Variants in MYH11 observed in about 807,000 individuals in gnomAD.
The protein encoded by MYH11 is myosin-11.
In MYH11, 80 loss-of-function variants were observed where a neutral mutation model predicts 246.6. That is an observed-to-expected ratio of 0.32 (90% CI 0.27 to 0.39). The LOEUF is 0.39. MYH11 is among the 10% of genes least tolerant of loss of function. The pLI is 1.00. For synonymous variants in MYH11, 1,071 were observed against 1,015.5 expected (o/e 1.05, Z -1.04); for missense variants, 2,158 against 2,546.8 (o/e 0.85, Z 3.29).
rs1175377341 is a variant in MYH11 at position 15,750,043 on chromosome 16, G to A, written c.2058+95C>T. The A allele has an allele frequency of 2.0e-6, 3 of 1,475,142 alleles. No individual in the cohort carries two copies. The highest frequency in any genetic ancestry group is 2.8e-6 in the Non-Finnish European group (3 of 1,066,386). The allele number at this position is 1,475,142 out of a possible 1,614,324, so 91.4% of individuals were successfully genotyped here. ...CCCCACATGGAAAATGGGGTCCTCGGGGTAGGTGGGGGCAGAGGGCGCCCT... is the reference window on the plus strand; with the variant it reads ...CCCCACATGGAAAATGGGGTCCTCGAGGTAGGTGGGGGCAGAGGGCGCCCT... On this transcript the variant is annotated intron_variant, in intron 16 of 40. Transcript: ENST00000300036. The surrounding 1 kb of genome is among the most constrained non-coding windows in gnomAD (Gnocchi z 4.3).
chr16:15,758,410 T>C (rs1279144854), intron 12 of MYH11, among the ~76,000 whole-genome samples: 1 of 152,064 alleles, frequency 6.6e-6, no homozygotes, highest in Non-Finnish European at 1.5e-5. Flanking sequence ...GTGCTCATGA[T>C]TGTAATCCCA....
chr16:15,836,695 C>T (rs1161140458), intron 2 of MYH11, among the ~76,000 whole-genome samples: 2 of 147,846 alleles, frequency 1.4e-5, no homozygotes, highest in African/African-American at 5.0e-5. Context: ...CCCACGCACC[C>T]AGCTAATAAA....
chr16:15,806,747 C>T (rs1208865174), intron 3 of MYH11, among the ~76,000 whole-genome samples: 1 of 116,234 alleles, frequency 8.6e-6, no homozygotes. Context: ...AATGCTTTTC[C>T]CCTGAACCAA....
In MYH11 at chr16:15,750,950, CTT is replaced by C. The variant is rs2041550157; in HGVS notation, c.1865-621_1865-620del. ...GGAGAGAGAGTGAAGAGGGTGCTCT[CTT>C]AGACAAGGAGGTGGTGGGCTCTGCT... On this transcript the variant is annotated intron_variant, in intron 15 of 40. Transcript: ENST00000300036. This position sits in a 1 kb window ranked among gnomAD's most constrained non-coding sequence, Gnocchi z 4.3. 6.6e-6 allele frequency among the ~76,000 whole-genome samples: 1 copy of C among 151,920 alleles called. No individual in the cohort carries two copies. The highest frequency in any genetic ancestry group is 1.5e-5 in the Non-Finnish European group (1 of 67,994).
chr16:15,803,229 C>T (rs1400491811), intron 3 of MYH11, among the ~76,000 whole-genome samples: 1 of 151,910 alleles, frequency 6.6e-6, no homozygotes, highest in African/African-American at 2.4e-5. Flanking sequence ...AGCTTCCACC[C>T]AGGGGGAGAA....
At position 15,759,445 on chromosome 16, in the gene MYH11, A is replaced by G. The variant is rs986037966; in HGVS notation, c.1401+131T>C. On this transcript the variant is annotated intron_variant, in intron 12 of 40. Coordinates refer to ENST00000300036, the MANE Select transcript of MYH11 (RefSeq NM_002474.3). Reference sequence around the variant, plus strand: ...CTGTCTCTTATACCCTCAATGATCCACCCTTAACTAGACAGCCTCCTACCC... The same window carrying G: ...CTGTCTCTTATACCCTCAATGATCCGCCCTTAACTAGACAGCCTCCTACCC... 22 of 1,186,442 alleles carry G rather than the reference A, an allele frequency of 1.9e-5. No homozygotes were observed. The Admixed American group carries it at 3.6e-4, about 19-fold the overall frequency. 73.5% of individuals were successfully genotyped at this position (1,186,442 alleles called of 1,614,324 possible).
chr16:15,745,965 G>A (rs931755699), intron 19 of MYH11, among the ~76,000 whole-genome samples: 3 of 152,082 alleles, frequency 2.0e-5, no homozygotes, highest in Non-Finnish European at 2.9e-5. Flanking sequence ...GGCCCAGGCT[G>A]GAGTGCAGTG....
In MYH11 at chr16:15,735,312, C is replaced by G. The variant is rs1364600902; in HGVS notation, c.3506+54G>C. On this transcript the variant is annotated intron_variant, in intron 26 of 40. Transcript: ENST00000300036. ...TTTGGGTTTGTCCCCTCTTCTGCCC[C>G]CATCCCATTGGTGCAGTGGGATAGC... 24 of 1,595,694 alleles carry G rather than the reference C, an allele frequency of 1.5e-5. No individual in the cohort carries two copies. The African/African-American group carries it at 1.9e-4, about 12-fold the overall frequency.
intron 2 of MYH11, among the ~76,000 whole-genome samples, chr16:15,831,253 A>T (rs1316993182): frequency 1.3e-5 from 2 of 152,148 alleles, no homozygotes; most frequent in Non-Finnish European, 2.9e-5. Context: ...AAGAAGGGGA[A>T]CTGGAAGGGC....
chr16:15,739,905 C>T, intron 23 of MYH11, 146 bp downstream of exon 23: 1 of 852,646 alleles, frequency 1.2e-6, no homozygotes, highest in Non-Finnish European at 1.8e-6. Context: ...CCACACCTGG[C>T]TAATCTTTGT....
At chr16:15,779,293 C>T (rs2042294510) in intron 6 of MYH11, 1 of 261,396 alleles carries the variant, frequency 3.8e-6, no homozygotes, top group Non-Finnish European at 7.4e-6. Flanking sequence ...CATGCACCAC[C>T]ATATCTGGCT....
rs372870922 is a variant in MYH11, at chr16:15,828,842, AAGAGAGATGAG to A, written c.346-5442_346-5432del. 2.3e-3 allele frequency among the ~76,000 whole-genome samples: 264 copies of A among 116,760 alleles called. 3 individuals carry two copies. The South Asian group carries it at 0.029, about 13-fold the overall frequency. 76.6% of individuals were successfully genotyped at this position (116,760 alleles called of 152,430 possible). A position where few individuals can be genotyped will look rare whatever the true frequency, so the allele number is the denominator to read the frequency against. The stretch of plus-strand genomic sequence containing the variant: ...AAGGAAAGTAAGAAAGAAAGGAAGA[AAGAGAGATGAG>A]AGATAGAGAAAAGAAAAGAATAAAA... On this transcript the variant is annotated intron_variant, in intron 2 of 40. Coordinates refer to ENST00000300036, the MANE Select transcript of MYH11 (RefSeq NM_002474.3).
intron 9 of MYH11, among the ~76,000 whole-genome samples, chr16:15,764,166 A>G (rs746746952): frequency 1.3e-5 from 2 of 152,168 alleles, no homozygotes; most frequent in Non-Finnish European, 2.9e-5. Context: ...AGCTATACTC[A>G]TTCATTTACA....
chr16:15,802,628 T>C (rs74608891), intron 3 of MYH11, among the ~76,000 whole-genome samples: 6,030 of 152,258 alleles, frequency 0.04, 388 homozygotes, highest in African/African-American at 0.14. Context: ...TTTGTATTTT[T>C]TGTAGAGATT....
chr16:15,732,946 A>G (rs1020529139), intron 26 of MYH11: 9 of 588,746 alleles, frequency 1.5e-5, no homozygotes, highest in Non-Finnish European at 2.4e-5. Flanking sequence ...AAACAAATAC[A>G]CAAAGTAATA....
At chr16:15,833,635 T>C (rs1457047292) in intron 2 of MYH11, among the ~76,000 whole-genome samples, 1 of 152,142 alleles carries the variant, frequency 6.6e-6, no homozygotes, top group Admixed American at 6.5e-5. Context: ...CTCTTCTAGA[T>C]CCAAGAGCAC....
intron 4 of MYH11, 44 bp from the exon 5 acceptor site, chr16:15,786,776 A>T (rs1175659426): frequency 1.3e-6 from 2 of 1,540,092 alleles, no homozygotes; most frequent in Non-Finnish European, 1.8e-6. Flanking sequence ...TTCCATGGTG[A>T]CCTTTCCGCA....
In MYH11 at chr16:15,735,497, C is replaced by T. The variant is rs779019646; in HGVS notation, c.3375G>A (p.Glu1125=). The T allele has an allele frequency of 1.9e-6, 3 of 1,614,168 alleles. No individual in the cohort carries two copies. In the South Asian group the frequency reaches 3.3e-5, roughly 18 times the overall value. ...TGGCGGCCCGCTCTGAGTCCAGGTC[C>T]TCCTGGAGGTCTGAGATGTGGCCCT... is the stretch of plus-strand genomic sequence containing the variant. The part of the protein sequence containing the change: ...ELEGHISDLQ[E]DLDSERAARN... Residue 1125 remains glutamate, a synonymous_variant, in exon 26 of 41, where the codon GAG becomes GAA. Coordinates refer to ENST00000300036, the MANE Select transcript of MYH11 (RefSeq NM_002474.3).
chr16:15,716,610 G>A (rs2040162987), intron 38 of MYH11, among the ~76,000 whole-genome samples: 1 of 152,038 alleles, frequency 6.6e-6, no homozygotes, highest in African/African-American at 2.4e-5. Context: ...CAACCTCCAC[G>A]TGTCACGTTG....
Sources: allele counts gnomAD v4.1 joint callset (sites outside exome capture counted in the v4.1 genomes callset), GRCh38; gene constraint gnomAD v4.1.1; non-coding constraint Gnocchi (gnomAD v3.1); transcripts MANE v1.5; gene names NCBI Gene and HGNC (gene_info 2026-07-23, HGNC 2026-07-21).